The following RORA variants were observed in gnomAD, a reference collection of about 807,000 sequenced individuals.
RORA encodes RAR related orphan receptor A, also known as nuclear receptor ROR-alpha.
A neutral mutation model predicts 69.5 loss-of-function variants in RORA; 7 were observed. The observed-to-expected ratio is 0.10, with a 90% CI of 0.06 to 0.19. The LOEUF is 0.19. RORA is among the 10% of genes least tolerant of loss of function. The pLI, the probability that RORA is intolerant of heterozygous loss-of-function variation, is 1.00. For synonymous variants in RORA, 261 were observed against 240.8 expected, an observed-to-expected ratio of 1.08 and a Z score of -0.78; for missense variants, 457 against 663.0, an observed-to-expected ratio of 0.69 and a Z score of 3.41.
At chr15:60,501,339 T>A (rs562208088) in intron 8 of RORA, among the ~76,000 whole-genome samples, 41 of 152,312 alleles carry the variant, frequency 2.7e-4, no homozygotes, top group African/African-American at 9.4e-4. Context: ...TCATCCTCAT[T>A]GAAAATAATG....
chr15:61,161,784 T>C (rs1317052911), intron 1 of RORA, among the ~76,000 whole-genome samples: 2 of 152,174 alleles, frequency 1.3e-5, no homozygotes, highest in Non-Finnish European at 2.9e-5. Context: ...TCTATTAGTC[T>C]AAAGACATAT....
At chr15:60,956,162 T>G (rs957721364) in intron 1 of RORA, among the ~76,000 whole-genome samples, 1 of 152,236 alleles carries the variant, frequency 6.6e-6, no homozygotes, top group Non-Finnish European at 1.5e-5. Context: ...ATTTCTCTTA[T>G]TTTGATCATG....
chr15:61,120,700 C>CA (rs527369711), intron 1 of RORA, among the ~76,000 whole-genome samples: 4,685 of 53,902 alleles, frequency 0.087, 341 homozygotes, highest in African/African-American at 0.22. Context: ...GACTCTGTCT[C>CA]AAAAAAAAAA....
intron 1 of RORA, among the ~76,000 whole-genome samples, chr15:60,743,948 A>G (rs1029786350): frequency 3.3e-5 from 5 of 152,140 alleles, no homozygotes; most frequent in African/African-American, 9.7e-5. Context: ...AAGAAGCAAG[A>G]CCATTTGGTT....
At chr15:61,150,033 T>C (rs1483306886) in intron 1 of RORA, among the ~76,000 whole-genome samples, 2 of 152,172 alleles carry the variant, frequency 1.3e-5, no homozygotes, top group Admixed American at 1.3e-4. Context: ...TCATATGGTT[T>C]TTAAGATAAG....
intron 1 of RORA, among the ~76,000 whole-genome samples, chr15:60,820,318 CTTAAGTT>C (rs992423389): frequency 2.6e-5 from 4 of 152,110 alleles, no homozygotes; most frequent in African/African-American, 9.7e-5. Context: ...AGCCAGTTCC[CTTAAGTT>C]TTAAGATTGG....
At chr15:60,552,207 C>A (rs989894351) in intron 2 of RORA, among the ~76,000 whole-genome samples, 3 of 152,178 alleles carry the variant, frequency 2.0e-5, no homozygotes, top group Admixed American at 6.5e-5. Flanking sequence ...TGAAATTACA[C>A]CATGTCTTTT....
chr15:60,586,807 T>C (rs2068348237), intron 2 of RORA, among the ~76,000 whole-genome samples: 1 of 152,154 alleles, frequency 6.6e-6, no homozygotes, highest in African/African-American at 2.4e-5. Context: ...ATAATCCTTA[T>C]TTGCTTTCAG....
At chr15:61,042,290 C>T (rs530585833) in intron 1 of RORA, among the ~76,000 whole-genome samples, 5 of 152,218 alleles carry the variant, frequency 3.3e-5, no homozygotes, top group African/African-American at 1.2e-4. Flanking sequence ...AAAGAAGGTG[C>T]TATCAATAAT....
At chr15:60,923,176 G>A (rs1381506303) in intron 1 of RORA, among the ~76,000 whole-genome samples, 1 of 152,084 alleles carries the variant, frequency 6.6e-6, no homozygotes, top group Non-Finnish European at 1.5e-5. Flanking sequence ...AACAAAGGCC[G>A]GATCACATGC....
chr15:61,109,605 T>C (rs180817761), intron 1 of RORA, among the ~76,000 whole-genome samples: 1 of 152,150 alleles, frequency 6.6e-6, no homozygotes, highest in African/African-American at 2.4e-5. Flanking sequence ...TTATTGGGAG[T>C]TGATTTACTT....
chr15:61,125,692 A>C (rs2079137050), intron 1 of RORA, among the ~76,000 whole-genome samples: 1 of 152,166 alleles, frequency 6.6e-6, no homozygotes, highest in South Asian at 2.1e-4. Flanking sequence ...TTTAGCAAGA[A>C]TTTTCTTGTT....
chr15:60,837,078 C>T (rs1190155510), intron 1 of RORA, among the ~76,000 whole-genome samples: 2 of 147,846 alleles, frequency 1.4e-5, no homozygotes, highest in Non-Finnish European at 3.0e-5. Context: ...TGCTAAGTTG[C>T]CCAGGCTGAT....
chr15:60,601,075 T>C (rs556251247), intron 2 of RORA: 8 of 152,314 alleles, frequency 5.3e-5, no homozygotes, highest in African/African-American at 1.9e-4. Context: ...GATTCTAGCA[T>C]GTGCACTCCT....
intron 1 of RORA, among the ~76,000 whole-genome samples, chr15:60,731,653 G>C (rs551886635): frequency 6.6e-6 from 1 of 152,164 alleles, no homozygotes; most frequent in Non-Finnish European, 1.5e-5. Flanking sequence ...GAAGCAAGTA[G>C]AGCAAGCACA....
chr15:60,809,130 C>A (rs2072705680), intron 1 of RORA, among the ~76,000 whole-genome samples: 1 of 152,064 alleles, frequency 6.6e-6, no homozygotes, highest in Non-Finnish European at 1.5e-5. Flanking sequence ...AGAACTTACT[C>A]ATGTAACCAA....
rs550759944 is a variant in RORA at position 61,018,154 on chromosome 15, T to C, written c.166+210899A>G. On this transcript the variant is annotated intron_variant, in intron 1 of 10. Transcript: ENST00000335670. ...TAATTTACTATGCATAGTAGAAAAG[T>C]GATAAAATGGAACATCTTCGTAATT... 2.6e-5 allele frequency among the ~76,000 whole-genome samples: 4 copies of C among 152,310 alleles called. No homozygotes were observed. In the East Asian group the frequency reaches 7.7e-4, roughly 29 times the overall value.
At chr15:60,652,123 T>C (rs1479842855) in intron 2 of RORA, among the ~76,000 whole-genome samples, 8 of 151,888 alleles carry the variant, frequency 5.3e-5, no homozygotes, top group Admixed American at 4.6e-4. Flanking sequence ...TTTTTTTTTT[T>C]CCTCTAGAGT....
At chr15:61,129,136 C>A (rs1443798457) in intron 1 of RORA, among the ~76,000 whole-genome samples, 2 of 152,208 alleles carry the variant, frequency 1.3e-5, no homozygotes, top group Non-Finnish European at 2.9e-5. Flanking sequence ...AATATGTCTA[C>A]TCTTCATTTG....
Sources: gnomAD v4.1 joint callset for allele counts (sites outside exome capture counted in the v4.1 genomes callset) on GRCh38, gnomAD v4.1.1 for gene constraint, MANE v1.5 for transcripts, NCBI Gene and HGNC (gene_info 2026-07-23, HGNC 2026-07-21) for gene names.